Variants in EPPK1 observed in about 807,000 individuals in gnomAD.
The protein encoded by EPPK1 is epiplakin.
For missense variants in EPPK1, 3,823 were observed against 3,673.3 expected (o/e 1.04, Z -1.05); for synonymous variants, 1,862 against 1,721.2 (o/e 1.08, Z -2.03).
rs369510601 is a variant in EPPK1 at position 143,866,777 on chromosome 8, T to G, written c.6477A>C (p.Leu2159Phe). The change falls in exon 2 of 2, where the codon TTA becomes TTC. Residue 2159 changes from leucine (L) to phenylalanine (F), a missense_variant. Transcript: ENST00000615648. ...RALQTVAQLI[L>F]ELIEKQETSN... ...TGGTTTCCTGCTTCTCGATCAACTC[T>G]AAGATGAGCTGCGCTACCGTCTGCA... 6.2e-7 allele frequency: 1 copy of G among 1,613,518 alleles called. No individual in the cohort carries two copies. The highest frequency in any genetic ancestry group is 8.5e-7 in the Non-Finnish European group (1 of 1,179,888).
Position 143,871,793 on chromosome 8 carries a change from A to G in EPPK1, c.1461T>C (p.Thr487=), listed in dbSNP as rs1819360305. 6.2e-7 allele frequency: 1 copy of G among 1,611,764 alleles called. No homozygotes were observed. The highest frequency in any genetic ancestry group is 8.5e-7 in the Non-Finnish European group (1 of 1,179,594). The change falls in exon 2 of 2, where the codon ACT becomes ACC. Residue 487 remains threonine (T), a synonymous_variant. Transcript: ENST00000615648. ...PQGPPFIKYS[T]RQALSTATAT... is the part of the protein sequence containing the mutation. ...CTGTGGCCGTGCTCAGGGCCTGCCG[A>G]GTGCTGTACTTGATGAATGGGGGTC... is the stretch of plus-strand genomic sequence containing the variant.
chr8:143,870,820 G>T lies in EPPK1; in HGVS notation c.2434C>A (p.Gln812Lys). Residue 812 changes from glutamine (Q) to lysine (K), a missense_variant, in exon 2 of 2, where the codon CAG becomes AAG. Transcript: ENST00000615648. This position sits in a 1 kb window ranked among gnomAD's most constrained non-coding sequence, Gnocchi z 5.2. ...QSPLVDSATQ[Q>K]AFQNLLLSVK... ...GAGAGCAGCAGGTTCTGGAAGGCCT[G>T]CTGGGTGGCACTGTCCACCAGCGGG... The T allele has an allele frequency of 6.2e-7, 1 of 1,612,814 alleles. No individual in the cohort carries two copies. The highest frequency in any genetic ancestry group is 8.5e-7 in the Non-Finnish European group (1 of 1,179,874).
chr8:143,857,851 T>C lies in EPPK1; in HGVS notation c.*136A>G. 3.0e-6 allele frequency: 2 copies of C among 666,594 alleles called. No individual in the cohort carries two copies. Among genetic ancestry groups the C allele is most frequent in the Non-Finnish European group, 4.7e-6 (2 of 429,264 alleles). 41.3% of individuals were successfully genotyped at this position (666,594 alleles called of 1,614,324 possible). Reference sequence around the variant, plus strand: ...TCTGTCACATGACAACTTAAAACGTTTTCCACAGATAACGAATGGGTAAAA... The same window carrying C: ...TCTGTCACATGACAACTTAAAACGTCTTCCACAGATAACGAATGGGTAAAA... On this transcript the variant is annotated 3_prime_UTR_variant, in exon 2 of 2. Transcript: ENST00000615648.
In EPPK1 at chr8:143,866,589, C is replaced by A. The variant is rs1281067747; in HGVS notation, c.6665G>T (p.Gly2222Val). 9.7e-5 allele frequency: 156 copies of A among 1,612,100 alleles called. No individual in the cohort carries two copies. Among genetic ancestry groups the A allele is most frequent in the Non-Finnish European group, 1.3e-4 (153 of 1,179,632 alleles). Residue 2222 changes from glycine to valine, a missense_variant, in exon 2 of 2, where the codon GGC (glycine) becomes GTC (valine). By Grantham distance (109) the Gly-to-Val change is moderately radical. Transcript: ENST00000615648. ...EDDRVKRYLE[G>V]TSCIAGVLVP... ...CAGGACGCCCGCGATGCAGCTGGTGCCCTCCAGGTAGCGCTTGACGCGGTC... is the reference window on the plus strand; with the variant it reads ...CAGGACGCCCGCGATGCAGCTGGTGACCTCCAGGTAGCGCTTGACGCGGTC...
At chr8:143,876,506 G>A (rs527952683) in intron 1 of EPPK1, among the ~76,000 whole-genome samples, 1 of 152,192 alleles carries the variant, frequency 6.6e-6, no homozygotes, top group Non-Finnish European at 1.5e-5. Context: ...GGACAGGCCA[G>A]CTTCTCCTTC....
In EPPK1 at chr8:143,866,909, G is replaced by C. The variant is rs536436352; in HGVS notation, c.6345C>G (p.Phe2115Leu). 4.9e-5 allele frequency: 79 copies of C among 1,612,948 alleles called. No individual in the cohort carries two copies. The highest frequency in any genetic ancestry group is 6.3e-5 in the Non-Finnish European group (74 of 1,179,884). ...CCCACAGTGTTGGTTTCTGGCCTCT[G>C]AACCTTCCCACTGTGATTTCCACTT... ...AEQVEITVGRFRGQKPTLWAL... is the reference protein window; with the variant it reads ...AEQVEITVGRLRGQKPTLWAL... Residue 2115 changes from phenylalanine (F) to leucine (L), a missense_variant, in exon 2 of 2, where the codon TTC (phenylalanine) becomes TTG (leucine). By Grantham distance (22) the Phe-to-Leu change is conservative (BLOSUM62 0). Coordinates refer to ENST00000615648, the MANE Select transcript of EPPK1 (RefSeq NM_031308.4).
intron 1 of EPPK1, 70 bp from the exon 2 acceptor site, chr8:143,873,368 TG>T: frequency 8.6e-7 from 1 of 1,165,376 alleles, no homozygotes; most frequent in Non-Finnish European, 1.1e-6. Context: ...GATGCGGTCA[TG>T]GGGCAATCCC....
chr8:143,877,495 G>A (rs1445858612), intron 1 of EPPK1, among the ~76,000 whole-genome samples: 3 of 152,270 alleles, frequency 2.0e-5, no homozygotes, highest in Non-Finnish European at 2.9e-5. Flanking sequence ...CCCACTTCAG[G>A]TGGCCCCCAG....
intron 1 of EPPK1, 43 bp downstream of exon 1, chr8:143,878,395 C>CCCGCACCCGCCGCACCTGCCCACACCCG (rs1819526947): frequency 1.2e-5 from 1 of 82,876 alleles, no homozygotes; most frequent in African/African-American, 6.7e-5. Flanking sequence ...GCCGCACCTG[C>CCCGCACCCGCCGCACCTGCCCACACCCG]CCGCACCCGC....
In EPPK1 at chr8:143,869,782, G is replaced by A. The variant is rs7816413; in HGVS notation, c.3472C>T (p.Arg1158Trp). The A allele has an allele frequency of 7.9e-5, 127 of 1,605,222 alleles. No individual in the cohort carries two copies. In the African/African-American group the frequency reaches 1.0e-3, roughly 13 times the overall value. The stretch of plus-strand genomic sequence containing the variant: ...TGCACGTCCTCCAGCAGGCCCCTCC[G>A]TTGCTCCTCGGTGAAGTGGCAGGAG... ...LSSCHFTEEQRRGLLEDVQEG... is the reference protein window; with the variant it reads ...LSSCHFTEEQWRGLLEDVQEG... The change falls in exon 2 of 2, where the codon CGG (arginine) becomes TGG (tryptophan). Residue 1158 changes from arginine to tryptophan, a missense_variant. By Grantham distance (101) the Arg-to-Trp change is moderately radical. Transcript: ENST00000615648.
rs1554660022 is a variant in EPPK1, at chr8:143,868,663, T to C, written c.4591A>G (p.Arg1531Gly). Residue 1531 changes from arginine to glycine, a missense_variant, in exon 2 of 2, where the codon AGG (arginine) becomes GGG (glycine). By Grantham distance (125) the Arg-to-Gly change is moderately radical. Coordinates refer to ENST00000615648, the MANE Select transcript of EPPK1 (RefSeq NM_031308.4). ...FRGLRKQVSA[R>G]DLFRAQLISR... is the part of the protein sequence containing the mutation. ...ATCAGCTGCGCCCTGAACAGGTCCC[T>C]GGCTGACACCTGCTTCCGGAGCCCT... The C allele has an allele frequency of 5.0e-6, 8 of 1,585,734 alleles. No individual in the cohort carries two copies. The African/African-American group carries it at 9.4e-5, about 19-fold the overall frequency.
Position 143,867,163 on chromosome 8 carries a change from A to T in EPPK1, c.6091T>A (p.Tyr2031Asn). The change falls in exon 2 of 2, where the codon TAC becomes AAC. Residue 2031 changes from tyrosine (Y) to asparagine (N), a missense_variant. Tyr to Asn is a moderately radical substitution (Grantham distance 143). Transcript: ENST00000615648. The stretch of plus-strand genomic sequence containing the variant: ...TCCTTGTGCAGACAGCCCCGTCTGT[A>T]GGCTGTTTCCAGTGGGAGCCGGTGG... The part of the protein sequence containing the change: ...HHHRLPLETA[Y>N]RRGCLHKDIY... 6.2e-7 allele frequency: 1 copy of T among 1,612,786 alleles called. No individual in the cohort carries two copies. The highest frequency in any genetic ancestry group is 1.6e-4 in the Middle Eastern group (1 of 6,062).
chr8:143,871,722 C>G lies in EPPK1; in HGVS notation c.1532G>C (p.Trp511Ser). ...GKFRGRPVSL[W>S]ELLFSEAISS... The stretch of plus-strand genomic sequence containing the variant: ...GATGGCCTCAGAGAAGAGCAGCTCC[C>G]AGAGGGACACGGGCCGGCCCCGGAA... The change falls in exon 2 of 2, where the codon TGG (tryptophan) becomes TCG (serine). Residue 511 changes from tryptophan (W) to serine (S), a missense_variant. Physicochemically the swap from Trp to Ser is radical, Grantham distance 177. Transcript: ENST00000615648. 1 of 1,608,856 alleles carries G rather than the reference C, an allele frequency of 6.2e-7. No homozygotes were observed. The highest frequency in any genetic ancestry group is 2.2e-5 in the East Asian group (1 of 44,796).
Position 143,868,313 on chromosome 8 carries a change from G to C in EPPK1, c.4941C>G (p.Arg1647=). ...AGGGGTCGGTGTAGCCGGTGACGGC[G>C]CGCTCGGCCGACAGCAGCTTCACGT... ...ETYVKLLSAE[R]AVTGYTDPYT... The change falls in exon 2 of 2, where the codon CGC becomes CGG. Residue 1647 remains arginine, a synonymous_variant. Coordinates refer to ENST00000615648, the MANE Select transcript of EPPK1 (RefSeq NM_031308.4). The C allele has an allele frequency of 6.2e-7, 1 of 1,613,140 alleles. No homozygotes were observed. Among genetic ancestry groups the C allele is most frequent in the Non-Finnish European group, 8.5e-7 (1 of 1,180,008 alleles).
In EPPK1 at chr8:143,869,581, CCT is replaced by C; in HGVS notation, c.3671_3672del (p.Gln1224ArgfsTer67). The C allele has an allele frequency of 1.3e-6, 2 of 1,563,682 alleles. No individual in the cohort carries two copies. The highest frequency in any genetic ancestry group is 4.7e-5 in the East Asian group (2 of 42,774). ...ITQETLEALA[Q>X]GTQSPAQVAE... ...GCGACCTGGGCGGGCGACTGCGTGC[CCT>C]GAGCCAGGGCCTCAAGGGTCTCCTG... On this transcript the variant is annotated frameshift_variant, in exon 2 of 2. Coordinates refer to ENST00000615648, the MANE Select transcript of EPPK1 (RefSeq NM_031308.4). LOFTEE classifies it low-confidence loss of function (END_TRUNC).
Position 143,872,849 on chromosome 8 carries a change from C to A in EPPK1, c.405G>T (p.Gln135His). The A allele has an allele frequency of 6.4e-7, 1 of 1,565,764 alleles. No individual in the cohort carries two copies. ...TGTCCACAACCTCCTTCCCGATGGC[C>A]TGAAAGAGGGCCAGCTTCTCACCGC... ...PYGGEKLALF[Q>H]AIGKEVVDRA... The change falls in exon 2 of 2, where the codon CAG (glutamine) becomes CAT (histidine). Residue 135 changes from glutamine to histidine, a missense_variant. Physicochemically the swap from Gln to His is conservative, Grantham distance 24. Transcript: ENST00000615648.
At chr8:143,878,115 A>T (rs1342261897) in intron 1 of EPPK1, among the ~76,000 whole-genome samples, 1 of 149,322 alleles carries the variant, frequency 6.7e-6, no homozygotes, top group Non-Finnish European at 1.5e-5. Flanking sequence ...GGCCTGCGAG[A>T]CCCCCGCCCC....
chr8:143,872,117 C>T lies in EPPK1; in HGVS notation c.1137G>A (p.Gln379=). The change falls in exon 2 of 2, where the codon CAG becomes CAA. Residue 379 remains glutamine (Q), a synonymous_variant. Coordinates refer to ENST00000615648, the MANE Select transcript of EPPK1 (RefSeq NM_031308.4). ...PFSGSQIPLF[Q]AMKKGLVDRP... ...TGTCCACTAGCCCCTTCTTCATGGCCTGGAAAAGGGGGATTTGGGAGCCAC... is the reference window on the plus strand; with the variant it reads ...TGTCCACTAGCCCCTTCTTCATGGCTTGGAAAAGGGGGATTTGGGAGCCAC... 6.4e-7 allele frequency: 1 copy of T among 1,562,428 alleles called. No homozygotes were observed. Among genetic ancestry groups the T allele is most frequent in the South Asian group, 1.2e-5 (1 of 85,376 alleles).
chr8:143,868,055 C>A lies in EPPK1; in HGVS notation c.5199G>T (p.Thr1733=). Residue 1733 remains threonine (T), a synonymous_variant, in exon 2 of 2, where the codon ACG becomes ACT. Coordinates refer to ENST00000615648, the MANE Select transcript of EPPK1 (RefSeq NM_031308.4). ...GCTGCAGGTACGTGAGGTTCTCGTG[C>A]GTGTTGGGGTCGAAGAAGCCCTTGG... ...DDTKGFFDPN[T]HENLTYLQLL... 1.2e-6 allele frequency: 2 copies of A among 1,613,630 alleles called. No individual in the cohort carries two copies. The highest frequency in any genetic ancestry group is 2.2e-5 in the East Asian group (1 of 44,890).
Sources: allele counts gnomAD v4.1 joint callset (sites outside exome capture counted in the v4.1 genomes callset), GRCh38; gene constraint gnomAD v4.1.1; non-coding constraint Gnocchi (gnomAD v3.1); transcripts MANE v1.5; gene names NCBI Gene and HGNC (gene_info 2026-07-23, HGNC 2026-07-21).